The following KIF6 variants were observed in gnomAD, a reference collection of about 807,000 sequenced individuals.
KIF6 encodes kinesin family member 6.
Under a neutral mutation model 112.7 loss-of-function variants are expected in KIF6, and 106 were observed. The ratio of observed to expected loss-of-function variants is 0.94; its 90% CI spans 0.80 to 1.11. The LOEUF (loss-of-function observed/expected upper bound fraction) is 1.11. Ranked by LOEUF, KIF6 falls within the 50% of genes least tolerant of loss-of-function variation. The pLI, the probability that KIF6 is intolerant of heterozygous loss-of-function variation, is 0.00. For missense variants in KIF6, 929 were observed against 964.0 expected (o/e 0.96, Z 0.48); for synonymous variants, 339 against 339.9 (o/e 1.00, Z 0.03).
chr6:39,343,513 G>A lies in KIF6; in HGVS notation c.2428+196C>T, dbSNP rs1392236696. Reference sequence around the variant, plus strand: ...CGCCCACCCACTTGGGCCTGTCTTGGTGTTTCTGATGCTGCCCCTTGAGGC... The same window carrying A: ...CGCCCACCCACTTGGGCCTGTCTTGATGTTTCTGATGCTGCCCCTTGAGGC... On this transcript the variant is annotated intron_variant, in intron 22 of 22. Transcript: ENST00000287152. This position sits in a 1 kb window ranked among gnomAD's most constrained non-coding sequence, Gnocchi z 4.1. 2 of 1,484,372 alleles carry A rather than the reference G, an allele frequency of 1.3e-6. No homozygotes were observed. The highest frequency in any genetic ancestry group is 1.4e-5 in the African/African-American group (1 of 71,718). The allele number at this position is 1,484,372 out of a possible 1,614,324, so 92.0% of individuals were successfully genotyped here. A position where few individuals can be genotyped will look rare whatever the true frequency, so the allele number is the denominator to read the frequency against.
At chr6:39,564,464 T>C (rs1238253864) in intron 10 of KIF6, among the ~76,000 whole-genome samples, 9 of 152,188 alleles carry the variant, frequency 5.9e-5, no homozygotes, top group African/African-American at 2.2e-4. Flanking sequence ...GAACTAGGAC[T>C]AATTATTTGC....
intron 3 of KIF6, among the ~76,000 whole-genome samples, chr6:39,689,134 A>G (rs1240116700): frequency 6.6e-6 from 1 of 152,176 alleles, no homozygotes; most frequent in Non-Finnish European, 1.5e-5. Context: ...AAGAGAAAAG[A>G]CAAGGAAAGA....
rs376977683 is a variant in KIF6, at chr6:39,608,272, G to GA, written c.639+4916dup. ...TGTTCCCACAAACCCATCATAAATG[G>GA]AAAATACCATAAGTTGAAAATGCAT... On this transcript the variant is annotated intron_variant, in intron 6 of 22. Coordinates refer to ENST00000287152, the MANE Select transcript of KIF6 (RefSeq NM_145027.6). Among the ~76,000 whole-genome samples the GA allele has an allele frequency of 6.5e-3, 996 of 152,270 alleles. 14 individuals are homozygous for GA. The highest frequency in any genetic ancestry group is 0.051 in the Middle Eastern group (15 of 294).
chr6:39,678,726 G>C (rs1359171937), intron 3 of KIF6, among the ~76,000 whole-genome samples: 1 of 152,166 alleles, frequency 6.6e-6, no homozygotes, highest in Non-Finnish European at 1.5e-5. Flanking sequence ...TCATCAACTT[G>C]AGCCAAATTT....
chr6:39,539,047 T>A (rs1164703147), intron 13 of KIF6, among the ~76,000 whole-genome samples: 1 of 121,772 alleles, frequency 8.2e-6, no homozygotes, highest in Non-Finnish European at 1.6e-5. Flanking sequence ...AAGGGGAACA[T>A]CACACTCTGG....
intron 6 of KIF6, among the ~76,000 whole-genome samples, chr6:39,600,950 G>C (rs9349123): frequency 0.11 from 16,250 of 152,096 alleles, 1,646 homozygotes; most frequent in East Asian, 0.29. Flanking sequence ...CTGCTTCATT[G>C]CAGGGAGTTA....
At chr6:39,555,121 C>T (rs944509560) in intron 10 of KIF6, among the ~76,000 whole-genome samples, 1 of 152,120 alleles carries the variant, frequency 6.6e-6, no homozygotes, top group Admixed American at 6.5e-5. Flanking sequence ...AGCACCTGGA[C>T]TGTCTTAGAG....
chr6:39,525,128 G>A (rs1184556822), intron 13 of KIF6, among the ~76,000 whole-genome samples: 1 of 152,106 alleles, frequency 6.6e-6, no homozygotes, highest in Non-Finnish European at 1.5e-5. Flanking sequence ...GGCCTGAGAT[G>A]AGTGCCCTCT....
At chr6:39,400,739 A>T (rs1768638306) in intron 15 of KIF6, among the ~76,000 whole-genome samples, 1 of 151,996 alleles carries the variant, frequency 6.6e-6, no homozygotes, top group Non-Finnish European at 1.5e-5. Context: ...AACAGATCTG[A>T]CCCCTTCTCC....
In KIF6 at chr6:39,712,820, G is replaced by C. The variant is rs1026304854; in HGVS notation, c.251+1872C>G. 2.0e-5 allele frequency among the ~76,000 whole-genome samples: 3 copies of C among 152,260 alleles called. No individual in the cohort carries two copies. In the East Asian group the frequency reaches 5.8e-4, roughly 29 times the overall value. On this transcript the variant is annotated intron_variant, in intron 3 of 22. Coordinates refer to ENST00000287152, the MANE Select transcript of KIF6 (RefSeq NM_145027.6). ...CCTGTCATGTGGTTGGGGACAGGGG[G>C]AGGAATAGCATTAGGAGAAATACCT...
chr6:39,679,614 C>CTTTTTTTTTTT (rs55936243), intron 3 of KIF6, among the ~76,000 whole-genome samples: 3 of 106,504 alleles, frequency 2.8e-5, no homozygotes, highest in Admixed American at 1.1e-4. Context: ...CTTTTCTTTT[C>CTTTTTTTTTTT]TTTTTTTTTT....
chr6:39,677,534 T>TATTC (rs1407455550), intron 3 of KIF6, among the ~76,000 whole-genome samples: 9 of 151,206 alleles, frequency 6.0e-5, no homozygotes, highest in Non-Finnish European at 1.0e-4. Context: ...TTTATTTATT[T>TATTC]ATTTATTTTT....
intron 10 of KIF6, among the ~76,000 whole-genome samples, chr6:39,550,516 A>G (rs1167197459): frequency 6.6e-6 from 1 of 152,118 alleles, no homozygotes; most frequent in African/African-American, 2.4e-5. Flanking sequence ...AAGCAATGGG[A>G]CTGCATCCTC....
intron 13 of KIF6, among the ~76,000 whole-genome samples, chr6:39,488,175 T>C (rs1258311655): frequency 6.6e-6 from 1 of 152,228 alleles, no homozygotes; most frequent in Non-Finnish European, 1.5e-5. Context: ...GACACTTAGT[T>C]TGACAGAGGA....
intron 13 of KIF6, among the ~76,000 whole-genome samples, chr6:39,503,864 A>G (rs918282955): frequency 4.2e-5 from 6 of 143,616 alleles, no homozygotes; most frequent in African/African-American, 1.2e-4. Context: ...AAAAAAAAAA[A>G]GAAAAAAGAA....
chr6:39,428,369 G>A (rs570659886), intron 14 of KIF6, among the ~76,000 whole-genome samples: 25 of 152,286 alleles, frequency 1.6e-4, no homozygotes, highest in African/African-American at 5.8e-4. Flanking sequence ...GACAGACAAG[G>A]TATCCTGCCC....
At chr6:39,471,399 C>T (rs953151157) in intron 13 of KIF6, among the ~76,000 whole-genome samples, 4 of 152,194 alleles carry the variant, frequency 2.6e-5, no homozygotes. Flanking sequence ...TCCCTGTGCC[C>T]TGGGCCAGCT....
At chr6:39,454,402 G>A (rs1476275419) in intron 13 of KIF6, among the ~76,000 whole-genome samples, 2 of 151,928 alleles carry the variant, frequency 1.3e-5, no homozygotes, top group Non-Finnish European at 2.9e-5. Context: ...TATTAGAAAA[G>A]ATAATAGCTC....
intron 13 of KIF6, among the ~76,000 whole-genome samples, chr6:39,432,162 G>C (rs1298623246): frequency 6.6e-6 from 1 of 152,210 alleles, no homozygotes; most frequent in Non-Finnish European, 1.5e-5. Context: ...CCTTTCTGGT[G>C]AAATGTAAGT....
Sources: gnomAD v4.1 joint callset for allele counts (sites outside exome capture counted in the v4.1 genomes callset) on GRCh38, gnomAD v4.1.1 for gene constraint, Gnocchi (gnomAD v3.1) non-coding constraint, MANE v1.5 for transcripts, NCBI Gene and HGNC (gene_info 2026-07-23, HGNC 2026-07-21) for gene names.